The following FSIP1 variants were observed in gnomAD, a reference collection of about 807,000 sequenced individuals.
The protein encoded by FSIP1 is fibrous sheath-interacting protein 1.
FSIP1 carries 65 observed loss-of-function variants against 60.9 expected under a neutral mutation model. The ratio of observed to expected loss-of-function variants is 1.07; its 90% CI spans 0.87 to 1.31. FSIP1 has a LOEUF of 1.31. Ranked by LOEUF, FSIP1 falls within the 40% of genes most tolerant of loss-of-function variation. The pLI is 0.00. For missense variants in FSIP1, 675 were observed against 665.5 expected (o/e 1.01, Z -0.16); for synonymous variants, 209 against 221.2 (o/e 0.94, Z 0.49).
intron 8 of FSIP1, among the ~76,000 whole-genome samples, chr15:39,736,834 C>T (rs1896626867): frequency 6.6e-6 from 1 of 152,160 alleles, no homozygotes; most frequent in Non-Finnish European, 1.5e-5. Flanking sequence ...TGAAGCTCAG[C>T]TTCAGTCTGA....
At chr15:39,634,897 G>A (rs1482440842) in intron 10 of FSIP1, among the ~76,000 whole-genome samples, 1 of 152,110 alleles carries the variant, frequency 6.6e-6, no homozygotes, top group African/African-American at 2.4e-5. Flanking sequence ...GACTAACATG[G>A]TGCCCTGTGT....
At chr15:39,762,982 A>T (rs1306520528) in intron 5 of FSIP1, among the ~76,000 whole-genome samples, 1 of 152,242 alleles carries the variant, frequency 6.6e-6, no homozygotes, top group African/African-American at 2.4e-5. Context: ...TAATTTGATC[A>T]TATTTTTATT....
intron 5 of FSIP1, among the ~76,000 whole-genome samples, chr15:39,745,054 G>A (rs541444193): frequency 6.6e-5 from 10 of 151,724 alleles, no homozygotes; most frequent in Non-Finnish European, 1.5e-4. Context: ...GACAAGATAC[G>A]CCTCTGAGAG....
intron 10 of FSIP1, among the ~76,000 whole-genome samples, chr15:39,666,847 G>A (rs1893514149): frequency 6.6e-6 from 1 of 152,182 alleles, no homozygotes; most frequent in Non-Finnish European, 1.5e-5. Context: ...GACATTCCAT[G>A]AGTTTCCTAT....
chr15:39,772,331 C>T (rs1168380589), intron 2 of FSIP1, among the ~76,000 whole-genome samples: 1 of 152,120 alleles, frequency 6.6e-6, no homozygotes, highest in Admixed American at 6.6e-5. Flanking sequence ...CTCACTCTGT[C>T]ACCAAGGCTG....
chr15:39,770,307 G>C, intron 3 of FSIP1, 120 bp downstream of exon 3: 1 of 691,110 alleles, frequency 1.4e-6, no homozygotes, highest in Non-Finnish European at 2.2e-6. Context: ...CTTTTTTTTG[G>C]TTTATTATTT....
chr15:39,766,774 A>C (rs1199840171), intron 3 of FSIP1, among the ~76,000 whole-genome samples: 1 of 152,220 alleles, frequency 6.6e-6, no homozygotes, highest in African/African-American at 2.4e-5. Context: ...AGTAAGGCCA[A>C]ATTTATCAAC....
intron 10 of FSIP1, among the ~76,000 whole-genome samples, chr15:39,653,878 T>C (rs1033977603): frequency 6.6e-6 from 1 of 152,270 alleles, no homozygotes; most frequent in Non-Finnish European, 1.5e-5. Flanking sequence ...GTCTCAGGTA[T>C]GCCTTCATCA....
rs757395986 is a variant in FSIP1, at chr15:39,763,877, T to C, written c.503A>G (p.Glu168Gly). The change falls in exon 5 of 12, where the codon GAG (glutamate) becomes GGG (glycine). Residue 168 changes from glutamate (E) to glycine (G), a missense_variant. Glu to Gly is a moderately conservative substitution (Grantham distance 98, BLOSUM62 -2). Transcript: ENST00000350221. ...TAAAAATTTTTTTGTATTTTCCATC[T>C]CCTCTTTACTTTGCCAAGCTTCACT... is the stretch of plus-strand genomic sequence containing the variant. Reference protein sequence around the residue: ...KYSEAWQSKEEMENTKKFLSL... With the variant: ...KYSEAWQSKEGMENTKKFLSL... 1 of 1,600,798 alleles carries C rather than the reference T, an allele frequency of 6.2e-7. No homozygotes were observed. The highest frequency in any genetic ancestry group is 1.1e-5 in the South Asian group (1 of 90,490).
At chr15:39,776,097 C>T (rs1206042318) in intron 2 of FSIP1, among the ~76,000 whole-genome samples, 1 of 145,196 alleles carries the variant, frequency 6.9e-6, no homozygotes, top group Non-Finnish European at 1.5e-5. Flanking sequence ...ATAAACCACA[C>T]TCCAAAAAAA....
intron 9 of FSIP1, among the ~76,000 whole-genome samples, chr15:39,715,825 G>A (rs953187502): frequency 6.6e-6 from 1 of 152,068 alleles, no homozygotes; most frequent in African/African-American, 2.4e-5. Flanking sequence ...GTTACCATGA[G>A]GTCTGGTTGT....
At position 39,738,174 on chromosome 15, in the gene FSIP1, C is replaced by T. The variant is rs376407597; in HGVS notation, c.808G>A (p.Val270Ile). Residue 270 changes from valine to isoleucine, a missense_variant, in exon 8 of 12, where the codon GTT (valine) becomes ATT (isoleucine). Transcript: ENST00000350221. ...CTTTTCTTCTCTCTGTCAACCATAA[C>T]CACTGGGTTTCTTGATTCCTTGGCC... ...ELAKESRNPV[V>I]MVDREKKRLV... 2 of 1,611,952 alleles carry T rather than the reference C, an allele frequency of 1.2e-6. No individual in the cohort carries two copies. Among genetic ancestry groups the T allele is most frequent in the Non-Finnish European group, 1.7e-6 (2 of 1,179,182 alleles).
rs375568122 is a variant in FSIP1, at chr15:39,617,827, G to A, written c.1607C>T (p.Ser536Phe). ...TLGIGRLKRP[S>F]FLDDPLYGIS... ...ACCATACAGTGGATCATCTAAGAAG[G>A]AGGGCCTTTTCAGTCTCCCAATGCC... The change falls in exon 11 of 12, where the codon TCC becomes TTC. Residue 536 changes from serine to phenylalanine, a missense_variant. Physicochemically the swap from Ser to Phe is radical, Grantham distance 155 (BLOSUM62 -2). Transcript: ENST00000350221. 1.2e-5 allele frequency: 19 copies of A among 1,613,514 alleles called. No individual in the cohort carries two copies. Among genetic ancestry groups the A allele is most frequent in the Non-Finnish European group, 1.6e-5 (19 of 1,179,976 alleles).
In FSIP1 at chr15:39,707,273, T is replaced by C. The variant is rs539991493; in HGVS notation, c.1188+6171A>G. 2.6e-4 allele frequency among the ~76,000 whole-genome samples: 39 copies of C among 152,322 alleles called. No homozygotes were observed. In the South Asian group the frequency reaches 7.9e-3, roughly 31 times the overall value. On this transcript the variant is annotated intron_variant, in intron 10 of 11. Coordinates refer to ENST00000350221, the MANE Select transcript of FSIP1 (RefSeq NM_152597.5). ...GGTTTCCAACCTCCCCTGGGCTACC[T>C]GATTGTTTACCATTGCTTTTTTCTC...
chr15:39,631,499 A>G (rs1891887516), intron 10 of FSIP1, among the ~76,000 whole-genome samples: 1 of 152,246 alleles, frequency 6.6e-6, no homozygotes, highest in South Asian at 2.1e-4. Context: ...AGTATTCTCC[A>G]TATCACCCTG....
chr15:39,736,416 A>G (rs886721623), intron 8 of FSIP1, among the ~76,000 whole-genome samples: 1 of 152,168 alleles, frequency 6.6e-6, no homozygotes, highest in Non-Finnish European at 1.5e-5. Flanking sequence ...GGTGGAAGGG[A>G]GGGATATTTT....
intron 10 of FSIP1, among the ~76,000 whole-genome samples, chr15:39,636,646 G>T (rs1892151446): frequency 6.6e-6 from 1 of 152,074 alleles, no homozygotes; most frequent in Non-Finnish European, 1.5e-5. Context: ...CATATCCCCT[G>T]TTCTAGTTCC....
chr15:39,756,907 C>T (rs980340323), intron 5 of FSIP1, among the ~76,000 whole-genome samples: 10 of 152,108 alleles, frequency 6.6e-5, no homozygotes, highest in Non-Finnish European at 1.2e-4. Flanking sequence ...CAGGACTAAT[C>T]TAACATTACA....
chr15:39,674,674 C>T (rs1893867702), intron 10 of FSIP1, among the ~76,000 whole-genome samples: 1 of 152,004 alleles, frequency 6.6e-6, no homozygotes, highest in African/African-American at 2.4e-5. Context: ...TTTTACATTA[C>T]ACAAAAATTA....
Sources: gnomAD v4.1 joint callset for allele counts (sites outside exome capture counted in the v4.1 genomes callset) on GRCh38, gnomAD v4.1.1 for gene constraint, MANE v1.5 for transcripts, NCBI Gene and HGNC (gene_info 2026-07-23, HGNC 2026-07-21) for gene names.